The following MPZL2 variants were observed in gnomAD, a reference collection of about 807,000 sequenced individuals.
The protein encoded by MPZL2 is myelin protein zero-like protein 2.
In MPZL2, 32 loss-of-function variants were observed where a neutral mutation model predicts 24.5. That is an observed-to-expected ratio of 1.31 (90% CI 0.99 to 1.76). The LOEUF (loss-of-function observed/expected upper bound fraction) is 1.76, where lower values mean the gene tolerates loss of function less well. MPZL2 is among the 40% of genes most tolerant of loss of function. The pLI is 0.00. For synonymous variants in MPZL2, 92 were observed against 97.9 expected (o/e 0.94, Z 0.36); for missense variants, 304 against 274.9 (o/e 1.11, Z -0.75).
rs1176947764 is a variant in MPZL2 at position 118,264,174 on chromosome 11, C to T, written c.-21G>A. Reference sequence around the variant, plus strand: ...TACATGAGGGAAACCCAGCCTTGGCCCCAGAGACCGGACGGGGCAGACCGA... The same window carrying T: ...TACATGAGGGAAACCCAGCCTTGGCTCCAGAGACCGGACGGGGCAGACCGA... On this transcript the variant is annotated 5_prime_UTR_variant, in exon 1 of 6. Coordinates refer to ENST00000278937, the MANE Select transcript of MPZL2 (RefSeq NM_005797.4). 4 of 1,613,774 alleles carry T rather than the reference C, an allele frequency of 2.5e-6. No homozygotes were observed. In the East Asian group the frequency reaches 8.9e-5, roughly 36 times the overall value.
In MPZL2 at chr11:118,260,299, T is replaced by G. The variant is rs143883953; in HGVS notation, c.437-98A>C. 4.8e-6 allele frequency: 6 copies of G among 1,250,246 alleles called. No individual in the cohort carries two copies. The Admixed American group carries it at 1.4e-4, about 29-fold the overall frequency. 77.4% of individuals were successfully genotyped at this position (1,250,246 alleles called of 1,614,324 possible). The stretch of plus-strand genomic sequence containing the variant: ...GGATGCATTTAATCAATAGATGGAA[T>G]CTTCCTTTATCCTACCTTTATGCAT... On this transcript the variant is annotated intron_variant, in intron 3 of 5. Transcript: ENST00000278937.
intron 5 of MPZL2, 122 bp downstream of exon 5, chr11:118,257,116 C>T: frequency 1.6e-6 from 1 of 625,056 alleles, no homozygotes; most frequent in Non-Finnish European, 2.7e-6. Flanking sequence ...TGACCCAGCT[C>T]CTCTAATTTC....
At position 118,253,695 on chromosome 11, in the gene MPZL2, TG is replaced by T. The variant is rs1272346296; in HGVS notation, c.*1550del. On this transcript the variant is annotated 3_prime_UTR_variant, in exon 6 of 6. Coordinates refer to ENST00000278937, the MANE Select transcript of MPZL2 (RefSeq NM_005797.4). ...ATAATATTTTCAAAGGTTAGAATTG[TG>T]AAGAAAAAATATAAAATGTGATTAA... The T allele has an allele frequency of 6.6e-6, 1 of 152,158 alleles. No homozygotes were observed. The highest frequency in any genetic ancestry group is 1.5e-5 in the Non-Finnish European group (1 of 68,000). The allele number at this position is 152,158 out of a possible 1,614,324, so 9.4% of individuals were successfully genotyped here.
intron 5 of MPZL2, among the ~76,000 whole-genome samples, chr11:118,256,651 A>G (rs1949662263): frequency 6.6e-6 from 1 of 152,202 alleles, no homozygotes; most frequent in African/African-American, 2.4e-5. Flanking sequence ...CCCTGTCTCA[A>G]AAACAAAGAC....
chr11:118,260,294 T>C, intron 3 of MPZL2, 93 bp from the exon 4 acceptor site: 1 of 1,319,388 alleles, frequency 7.6e-7, no homozygotes, highest in Non-Finnish European at 1.0e-6. Flanking sequence ...AATCAATAGA[T>C]GGAATCTTCC....
rs1949648026 is a variant in MPZL2, at chr11:118,254,142, G to T, written c.*1104C>A. The T allele has an allele frequency of 6.6e-6, 1 of 152,020 alleles. No individual in the cohort carries two copies. The highest frequency in any genetic ancestry group is 1.5e-5 in the Non-Finnish European group (1 of 67,968). 9.4% of individuals were successfully genotyped at this position (152,020 alleles called of 1,614,324 possible). On this transcript the variant is annotated 3_prime_UTR_variant, in exon 6 of 6. Transcript: ENST00000278937. ...ATGGGGGAAAAAAAGAATAAAGTTG[G>T]TTTTATTCCATTTAAAGTAGTTTTG...
chr11:118,261,694 G>T (rs1053293414), intron 3 of MPZL2, among the ~76,000 whole-genome samples: 1 of 152,152 alleles, frequency 6.6e-6, no homozygotes, highest in South Asian at 2.1e-4. Context: ...CATAAGTTTC[G>T]TGTACTTTGC....
Position 118,262,459 on chromosome 11 carries a change from G to T in MPZL2, c.415C>A (p.Arg139=). 1 of 1,613,956 alleles carries T rather than the reference G, an allele frequency of 6.2e-7. No individual in the cohort carries two copies. The highest frequency in any genetic ancestry group is 8.5e-7 in the Non-Finnish European group (1 of 1,180,018). ...CTACCAGTGTGCACGACGCTGAGCC[G>T]GATCTCCCCTATCACCCCATCAACA... ...PDVDGVIGEI[R]LSVVHTVRFS... The change falls in exon 3 of 6, where the codon CGG becomes AGG. Residue 139 remains arginine, a synonymous_variant. Transcript: ENST00000278937.
At position 118,262,321 on chromosome 11, in the gene MPZL2, C is replaced by G. The variant is rs914895799; in HGVS notation, c.436+117G>C. The G allele has an allele frequency of 2.8e-6, 3 of 1,083,306 alleles. No homozygotes were observed. In the African/African-American group the frequency reaches 4.7e-5, roughly 17 times the overall value. 67.1% of individuals were successfully genotyped at this position (1,083,306 alleles called of 1,614,324 possible). On this transcript the variant is annotated intron_variant, in intron 3 of 5. Transcript: ENST00000278937. Reference sequence around the variant, plus strand: ...AGGCTCCCAGTTCTGAAGGGCTAGTCCCTCTCTCTATCCATCACAAAAGAT... The same window carrying G: ...AGGCTCCCAGTTCTGAAGGGCTAGTGCCTCTCTCTATCCATCACAAAAGAT...
At position 118,264,136 on chromosome 11, in the gene MPZL2, A is replaced by G. The variant is rs1336157590; in HGVS notation, c.18T>C (p.Ser6=). 6.2e-7 allele frequency: 1 copy of G among 1,614,044 alleles called. No homozygotes were observed. Among genetic ancestry groups the G allele is most frequent in the South Asian group, 1.1e-5 (1 of 91,076 alleles). Residue 6 remains serine, a synonymous_variant, in exon 1 of 6, where the codon TCT becomes TCC. Coordinates refer to ENST00000278937, the MANE Select transcript of MPZL2 (RefSeq NM_005797.4). MYGKS[S]TRAVLLLLGI... ...CAAGGAGAAGAAGCACCGCACGAGT[A>G]GAGCTCTTGCCATACATGAGGGAAA...
Position 118,262,588 on chromosome 11 carries a change from A to G in MPZL2, c.286T>C (p.Ser96Pro), listed in dbSNP as rs1314289856. The change falls in exon 3 of 6, where the codon TCT becomes CCT. Residue 96 changes from serine (S) to proline (P), a missense_variant. Transcript: ENST00000278937. ...TACCGCTCAGGATTCCCATCCCAAG[A>G]CACCCGGTCCTTAAACCGCCCACTC... ...PMSGRFKDRV[S>P]WDGNPERYDA... 6.2e-7 allele frequency: 1 copy of G among 1,614,034 alleles called. No individual in the cohort carries two copies. The highest frequency in any genetic ancestry group is 1.3e-5 in the African/African-American group (1 of 74,932).
chr11:118,256,882 TA>T (rs964035232), intron 5 of MPZL2: 49 of 155,404 alleles, frequency 3.2e-4, no homozygotes, highest in African/African-American at 4.1e-4. Flanking sequence ...GGTTTACAAT[TA>T]AAAAAAAAGA....
chr11:118,262,387 TTTC>T (rs752625838), intron 3 of MPZL2, 48 bp downstream of exon 3: 2 of 1,580,014 alleles, frequency 1.3e-6, no homozygotes, highest in East Asian at 4.5e-5. Flanking sequence ...GCCCCTTTCT[TTTC>T]TACAAGCTCT....
At chr11:118,262,776 C>G (rs1949710117) in intron 2 of MPZL2, 128 bp from the exon 3 acceptor site, 2 of 1,333,902 alleles carry the variant, frequency 1.5e-6, no homozygotes, top group South Asian at 1.3e-5. Flanking sequence ...CTTGCTTTCC[C>G]CTTCAACGGC....
intron 4 of MPZL2, chr11:118,259,825 A>ACC (rs71469166): frequency 3.1e-4 from 126 of 411,706 alleles, no homozygotes; most frequent in Middle Eastern, 6.9e-4. Context: ...TGTAAAATCA[A>ACC]CCCCCCCACA....
Position 118,262,300 on chromosome 11 carries a change from T to C in MPZL2, c.436+138A>G, listed in dbSNP as rs941213649. ...GAACTCTTCGGTCTCCCTCTGAGGC[T>C]CCCAGTTCTGAAGGGCTAGTCCCTC... On this transcript the variant is annotated intron_variant, in intron 3 of 5. Coordinates refer to ENST00000278937, the MANE Select transcript of MPZL2 (RefSeq NM_005797.4). 9.2e-6 allele frequency: 8 copies of C among 873,894 alleles called. No individual in the cohort carries two copies. In the Admixed American group the frequency reaches 1.4e-4, roughly 15 times the overall value. The allele number at this position is 873,894 out of a possible 1,614,324, so 54.1% of individuals were successfully genotyped here.
chr11:118,260,646 C>G (rs1245101254), intron 3 of MPZL2, among the ~76,000 whole-genome samples: 1 of 152,210 alleles, frequency 6.6e-6, no homozygotes, highest in East Asian at 1.9e-4. Flanking sequence ...ACCACTTTCA[C>G]TCAGTCAGTT....
chr11:118,260,475 G>C (rs1310402232), intron 3 of MPZL2, among the ~76,000 whole-genome samples: 1 of 152,180 alleles, frequency 6.6e-6, no homozygotes, highest in African/African-American at 2.4e-5. Context: ...TACTGAATTA[G>C]AAACACTAGA....
intron 4 of MPZL2, among the ~76,000 whole-genome samples, chr11:118,257,914 G>A (rs932832310): frequency 2.0e-5 from 3 of 152,026 alleles, no homozygotes; most frequent in Non-Finnish European, 4.4e-5. Context: ...GGAAGCTGAG[G>A]CAAGAGAATC....
Sources: gnomAD v4.1 joint callset for allele counts (sites outside exome capture counted in the v4.1 genomes callset) on GRCh38, gnomAD v4.1.1 for gene constraint, MANE v1.5 for transcripts, NCBI Gene and HGNC (gene_info 2026-07-23, HGNC 2026-07-21) for gene names.